SAP130: variants seen among roughly 807,000 people sequenced by gnomAD.
SAP130 encodes the protein histone deacetylase complex subunit SAP130.
SAP130 carries 16 observed loss-of-function variants against 103.2 expected under a neutral mutation model. The ratio of observed to expected loss-of-function variants is 0.16; its 90% CI spans 0.10 to 0.24. SAP130 has a LOEUF of 0.24. Ranked by LOEUF, SAP130 falls within the 10% of genes least tolerant of loss-of-function variation. The pLI is 1.00. For missense variants in SAP130, 990 were observed against 1,359.7 expected, an observed-to-expected ratio of 0.73 and a Z score of 4.28; for synonymous variants, 477 against 497.0, an observed-to-expected ratio of 0.96 and a Z score of 0.53.
chr2:127,941,855 C>A lies in SAP130; in HGVS notation c.*151G>T. 2.8e-6 allele frequency: 2 copies of A among 723,040 alleles called. No homozygotes were observed. The highest frequency in any genetic ancestry group is 4.6e-6 in the Non-Finnish European group (2 of 435,514). 44.8% of individuals were successfully genotyped at this position (723,040 alleles called of 1,614,324 possible). A position where few individuals can be genotyped will look rare whatever the true frequency, so the allele number is the denominator to read the frequency against. ...CAGTCAGCTCTGATCCTTTCACGCCCTTGGATGTCATGGGTTCCTCTGCTT... is the reference window on the plus strand; with the variant it reads ...CAGTCAGCTCTGATCCTTTCACGCCATTGGATGTCATGGGTTCCTCTGCTT... On this transcript the variant is annotated 3_prime_UTR_variant, in exon 21 of 21. Transcript: ENST00000643581.
In SAP130 at chr2:127,955,075, C is replaced by A; in HGVS notation, c.2333G>T (p.Gly778Val). The change falls in exon 16 of 21, where the codon GGC (glycine) becomes GTC (valine). Residue 778 changes from glycine to valine, a missense_variant. Transcript: ENST00000643581. The surrounding 1 kb of genome is among the most constrained non-coding windows in gnomAD (Gnocchi z 4.9). ...AGGGCCCAAGACGGAGGAAAGACTG[C>A]CACCCACAGTGACTGATGGAGGTGG... ...AAPPPSVTVGGSLSSVLGPPV... is the reference protein window; with the variant it reads ...AAPPPSVTVGVSLSSVLGPPV... The A allele has an allele frequency of 6.2e-7, 1 of 1,614,170 alleles. No individual in the cohort carries two copies. The highest frequency in any genetic ancestry group is 1.1e-5 in the South Asian group (1 of 91,078).
intron 15 of SAP130, among the ~76,000 whole-genome samples, chr2:127,962,442 G>A (rs1211582348): frequency 2.0e-5 from 3 of 152,086 alleles, no homozygotes; most frequent in Non-Finnish European, 4.4e-5. Context: ...TGTTTATAGC[G>A]GCACTATTCA....
At chr2:127,980,003 G>A (rs1234847411) in intron 14 of SAP130, among the ~76,000 whole-genome samples, 1 of 151,376 alleles carries the variant, frequency 6.6e-6, no homozygotes. Context: ...TCAGCCTCCC[G>A]AGTAGCTGGG....
chr2:127,942,945 G>A lies in SAP130; in HGVS notation c.2902-408C>T, dbSNP rs567304087. Among the ~76,000 whole-genome samples, 5 of 152,120 alleles carry A rather than the reference G, an allele frequency of 3.3e-5. No homozygotes were observed. The South Asian group carries it at 6.2e-4, about 19-fold the overall frequency. On this transcript the variant is annotated intron_variant, in intron 19 of 20. Coordinates refer to ENST00000643581, the MANE Select transcript of SAP130 (RefSeq NM_001330301.2). This position sits in a 1 kb window ranked among gnomAD's most constrained non-coding sequence, Gnocchi z 4.8. Reference sequence around the variant, plus strand: ...AGAGGTTGCAGTGAGCTGAGATCCCGCCATTGCACTCCAGCCTGGGCAACA... The same window carrying A: ...AGAGGTTGCAGTGAGCTGAGATCCCACCATTGCACTCCAGCCTGGGCAACA...
At chr2:127,965,034 T>C (rs1228044920) in intron 15 of SAP130, among the ~76,000 whole-genome samples, 7 of 142,926 alleles carry the variant, frequency 4.9e-5, no homozygotes, top group South Asian at 2.2e-4. Flanking sequence ...TGGTGGCTCA[T>C]GCCTGTAATC....
At chr2:128,000,286 G>C in intron 8 of SAP130, 21 bp downstream of exon 8, 2 of 1,614,072 alleles carry the variant, frequency 1.2e-6, no homozygotes, top group South Asian at 2.2e-5. Context: ...TACACAGGTG[G>C]TTCTCCACTT....
intron 6 of SAP130, 142 bp downstream of exon 6, chr2:128,012,888 G>T: frequency 1.4e-6 from 1 of 697,538 alleles, no homozygotes. Flanking sequence ...CTTACAGCTT[G>T]CCACATGACA....
intron 4 of SAP130, among the ~76,000 whole-genome samples, chr2:128,016,184 T>C (rs762965464): frequency 2.1e-4 from 32 of 152,226 alleles, no homozygotes; most frequent in Non-Finnish European, 3.5e-4. Flanking sequence ...CAATAAATTC[T>C]AGCTAAATGA....
intron 7 of SAP130, among the ~76,000 whole-genome samples, chr2:128,004,410 G>C (rs1683815579): frequency 9.2e-6 from 1 of 108,756 alleles, no homozygotes; most frequent in African/African-American, 3.5e-5. Flanking sequence ...TTCTCACTAT[G>C]TTGCTCAGGC....
At chr2:128,013,469 G>A (rs1044338731) in intron 5 of SAP130, among the ~76,000 whole-genome samples, 4 of 152,260 alleles carry the variant, frequency 2.6e-5, no homozygotes, top group Non-Finnish European at 5.9e-5. Context: ...GACGAGGCTC[G>A]GACACTTTGC....
At chr2:128,001,511 G>A (rs1018779007) in intron 7 of SAP130, among the ~76,000 whole-genome samples, 2 of 152,232 alleles carry the variant, frequency 1.3e-5, no homozygotes, top group African/African-American at 2.4e-5. Flanking sequence ...TCTACAAATA[G>A]CAAGAGGTTA....
Position 127,945,012 on chromosome 2 carries a change from C to G in SAP130, c.2901+444G>C, listed in dbSNP as rs189524936. 2.6e-5 allele frequency among the ~76,000 whole-genome samples: 4 copies of G among 151,188 alleles called. No individual in the cohort carries two copies. The East Asian group carries it at 7.8e-4, about 29-fold the overall frequency. On this transcript the variant is annotated intron_variant, in intron 19 of 20. Transcript: ENST00000643581. The stretch of plus-strand genomic sequence containing the variant: ...CTGAGTAACATTGGAAATTGGAATA[C>G]TGGAAGCTGGCAGGGAACTGGAGCC...
In SAP130 at chr2:128,027,173, G is replaced by T. The variant is rs764649552; in HGVS notation, c.-7+767C>A. 1.9e-5 allele frequency: 24 copies of T among 1,261,858 alleles called. No individual in the cohort carries two copies. In the Middle Eastern group the frequency reaches 1.4e-3, roughly 74 times the overall value. The allele number at this position is 1,261,858 out of a possible 1,614,324, so 78.2% of individuals were successfully genotyped here. A position where few individuals can be genotyped will look rare whatever the true frequency, so the allele number is the denominator to read the frequency against. On this transcript the variant is annotated intron_variant, in intron 1 of 20. Coordinates refer to ENST00000643581, the MANE Select transcript of SAP130 (RefSeq NM_001330301.2). ...GCCGCGGAGGGCCCATCTCGGCGGC[G>T]GCGATGTGCTCGGCGGGCGCGGGGA...
At chr2:127,948,767 A>G (rs1679299370) in intron 18 of SAP130, among the ~76,000 whole-genome samples, 1 of 152,170 alleles carries the variant, frequency 6.6e-6, no homozygotes, top group Non-Finnish European at 1.5e-5. Flanking sequence ...TAGTATGAAT[A>G]TATTGAAACA....
chr2:128,018,483 C>CAAAAAAA (rs759445928), intron 2 of SAP130, among the ~76,000 whole-genome samples: 3 of 69,470 alleles, frequency 4.3e-5, no homozygotes, highest in African/African-American at 2.0e-4. Flanking sequence ...AGATTGTCTC[C>CAAAAAAA]AAAAAAAAAA....
intron 2 of SAP130, among the ~76,000 whole-genome samples, chr2:128,019,474 G>A (rs1489286992): frequency 6.6e-6 from 1 of 152,174 alleles, no homozygotes; most frequent in Non-Finnish European, 1.5e-5. Flanking sequence ...CCACTATGTT[G>A]CCTGGTCTGG....
chr2:127,991,603 G>T (rs938516793), intron 12 of SAP130, among the ~76,000 whole-genome samples: 4 of 151,992 alleles, frequency 2.6e-5, no homozygotes, highest in African/African-American at 9.7e-5. Flanking sequence ...AAGTGCTAGG[G>T]TTATAGGCAT....
At position 128,027,933 on chromosome 2, in the gene SAP130, C is replaced by G. The variant is rs539871478; in HGVS notation, c.-7+7G>C. ...CCTTCCCTCCCGGGCGCCCGTCCCG[C>G]CATTACCTGGGTGCTGCGCCCAGTG... On this transcript the variant is annotated splice_region_variant and intron_variant, in intron 1 of 20. Coordinates refer to ENST00000643581, the MANE Select transcript of SAP130 (RefSeq NM_001330301.2). 14 of 985,566 alleles carry G rather than the reference C, an allele frequency of 1.4e-5. No homozygotes were observed. In the African/African-American group the frequency reaches 2.4e-4, roughly 17 times the overall value. 61.1% of individuals were successfully genotyped at this position (985,566 alleles called of 1,614,324 possible).
At chr2:127,975,374 T>C (rs1681385318) in intron 15 of SAP130, among the ~76,000 whole-genome samples, 3 of 152,114 alleles carry the variant, frequency 2.0e-5, no homozygotes, top group Non-Finnish European at 4.4e-5. Context: ...GATTTCAAAA[T>C]GGCCCAGCAA....
Sources: allele counts gnomAD v4.1 joint callset (sites outside exome capture counted in the v4.1 genomes callset), GRCh38; gene constraint gnomAD v4.1.1; non-coding constraint Gnocchi (gnomAD v3.1); transcripts MANE v1.5; gene names NCBI Gene and HGNC (gene_info 2026-07-23, HGNC 2026-07-21).